ALOX5: variants seen among roughly 807,000 people sequenced by gnomAD.
ALOX5 encodes the protein polyunsaturated fatty acid 5-lipoxygenase.
In ALOX5, 64 loss-of-function variants were observed where a neutral mutation model predicts 87.9. That is an observed-to-expected ratio of 0.73 (90% confidence interval 0.60 to 0.90). The LOEUF is 0.90. Ranked by LOEUF, ALOX5 falls within the 40% of genes least tolerant of loss-of-function variation. The probability of loss-of-function intolerance (pLI) is 0.00; values close to 1 mark genes in which losing one functional copy is unlikely to be tolerated. For missense variants in ALOX5, 822 were observed against 907.5 expected, an observed-to-expected ratio of 0.91 and a Z score of 1.21; for synonymous variants, 388 against 355.1, an observed-to-expected ratio of 1.09 and a Z score of -1.04.
intron 13 of ALOX5, among the ~76,000 whole-genome samples, chr10:45,445,122 G>A (rs1842395607): frequency 6.6e-6 from 1 of 152,268 alleles, no homozygotes; most frequent in Admixed American, 6.5e-5. Context: ...GGGCTGGAGA[G>A]GCCAGTGCTG....
chr10:45,410,793 T>C (rs1210355491), intron 3 of ALOX5, among the ~76,000 whole-genome samples: 3 of 152,194 alleles, frequency 2.0e-5, no homozygotes. Flanking sequence ...AGGATTTCAT[T>C]TTGTTTTTGT....
At chr10:45,390,339 A>C (rs890256622) in intron 2 of ALOX5, among the ~76,000 whole-genome samples, 1 of 152,244 alleles carries the variant, frequency 6.6e-6, no homozygotes, top group Non-Finnish European at 1.5e-5. Context: ...CAGCAAGCGG[A>C]GCTAATAGAC....
intron 11 of ALOX5, 42 bp from the exon 12 acceptor site, chr10:45,443,686 C>T (rs41334844): frequency 1.9e-6 from 3 of 1,598,166 alleles, no homozygotes; most frequent in East Asian, 4.6e-5. Context: ...GCCCTGGGGT[C>T]CTCAGGGACT....
Position 45,425,094 on chromosome 10 carries a change from A to G in ALOX5, c.796A>G (p.Ser266Gly). 1 of 1,614,000 alleles carries G rather than the reference A, an allele frequency of 6.2e-7. No homozygotes were observed. Among genetic ancestry groups the G allele is most frequent in the Non-Finnish European group, 8.5e-7 (1 of 1,180,026 alleles). Residue 266 changes from serine to glycine, a missense_variant, in exon 6 of 14, where the codon AGC becomes GGC. Physicochemically the swap from Ser to Gly is moderately conservative, Grantham distance 56 (BLOSUM62 0). Transcript: ENST00000374391. The surrounding 1 kb of genome is among the most constrained non-coding windows in gnomAD (Gnocchi z 4.4). ...LPVTTEMVEC[S>G]LERQLSLEQE... ...GGTGACCACGGAGATGGTAGAGTGC[A>G]GCCTGGAGCGGCAGCTCAGCTTGGA...
At chr10:45,442,645 A>C in intron 9 of ALOX5, 4 of 183,944 alleles carry the variant, frequency 2.2e-5, no homozygotes, top group Non-Finnish European at 4.4e-5. Flanking sequence ...GGGTCCTGGA[A>C]ACTGAGGGTC....
At position 45,443,191 on chromosome 10, in the gene ALOX5, C is replaced by T. The variant is rs747354199; in HGVS notation, c.1426C>T (p.Leu476Phe). 9 of 1,613,612 alleles carry T rather than the reference C, an allele frequency of 5.6e-6. No homozygotes were observed. The Admixed American group carries it at 1.2e-4, about 21-fold the overall frequency. ...CTACTACTTCTACCGGGACGACGGG[C>T]TCCTGGTGTGGGAAGCCATCAGGAC... ...IPYYFYRDDG[L>F]LVWEAIRTFT... Residue 476 changes from leucine (L) to phenylalanine (F), a missense_variant, in exon 10 of 14, where the codon CTC (leucine) becomes TTC (phenylalanine). Physicochemically the swap from Leu to Phe is conservative, Grantham distance 22. Transcript: ENST00000374391.
chr10:45,441,634 T>G, intron 9 of ALOX5: 1 of 523,064 alleles, frequency 1.9e-6, no homozygotes, highest in South Asian at 3.0e-5. Flanking sequence ...CCACCAGGTC[T>G]TCCTTCTCAC....
intron 2 of ALOX5, among the ~76,000 whole-genome samples, chr10:45,392,900 C>A (rs1237680666): frequency 6.6e-6 from 1 of 151,972 alleles, no homozygotes; most frequent in Non-Finnish European, 1.5e-5. Context: ...AAGACTAAAC[C>A]AGGAAGAAGT....
intron 1 of ALOX5, among the ~76,000 whole-genome samples, chr10:45,379,307 C>T (rs149646626): frequency 0.016 from 2,461 of 152,242 alleles, 34 homozygotes; most frequent in Non-Finnish European, 0.024. Flanking sequence ...CCCTCAGAGC[C>T]ATAGGAAAGC....
intron 10 of ALOX5, 58 bp downstream of exon 10, chr10:45,443,274 C>A: frequency 6.3e-7 from 1 of 1,589,304 alleles, no homozygotes; most frequent in South Asian, 1.2e-5. Context: ...GCCTGACTAC[C>A]TGGGGCGGGC....
At chr10:45,395,369 C>T (rs1193609717) in intron 2 of ALOX5, among the ~76,000 whole-genome samples, 3 of 152,042 alleles carry the variant, frequency 2.0e-5, no homozygotes, top group Non-Finnish European at 2.9e-5. Context: ...AAAAAACAAA[C>T]ACTACATGTT....
At position 45,428,728 on chromosome 10, in the gene ALOX5, G is replaced by A. The variant is rs759600909; in HGVS notation, c.945G>A (p.Lys315=). 1 of 1,614,042 alleles carries A rather than the reference G, an allele frequency of 6.2e-7. No homozygotes were observed. Residue 315 remains lysine (K), a synonymous_variant, in exon 7 of 14, where the codon AAG becomes AAA. Transcript: ENST00000374391. ...FLAAPICLLY[K]NLANKIVPIA... is the part of the protein sequence containing the mutation. ...CCGCTCCCATCTGCTTGCTGTATAA[G>A]AACCTGGCCAACAAGATTGTCCCCA...
In ALOX5 at chr10:45,443,812, C is replaced by T. The variant is rs1323694156; in HGVS notation, c.1658C>T (p.Ala553Val). 1 of 1,607,436 alleles carries T rather than the reference C, an allele frequency of 6.2e-7. No homozygotes were observed. Among genetic ancestry groups the T allele is most frequent in the Non-Finnish European group, 8.5e-7 (1 of 1,177,450 alleles). ...VIFTASAQHA[A>V]VNFGQYDWCS... Reference sequence around the variant, plus strand: ...TTCACCGCCTCCGCCCAGCACGCCGCGGTCAACTTCGGCCAGGTAGGCAGG... The same window carrying T: ...TTCACCGCCTCCGCCCAGCACGCCGTGGTCAACTTCGGCCAGGTAGGCAGG... The change falls in exon 12 of 14, where the codon GCG becomes GTG. Residue 553 changes from alanine (A) to valine (V), a missense_variant. Physicochemically the swap from Ala to Val is moderately conservative, Grantham distance 64. Transcript: ENST00000374391.
At chr10:45,399,040 A>T (rs1237219982) in intron 3 of ALOX5, among the ~76,000 whole-genome samples, 3 of 152,242 alleles carry the variant, frequency 2.0e-5, no homozygotes, top group Non-Finnish European at 4.4e-5. Flanking sequence ...GTAACTATCA[A>T]AAAGTGTACA....
At chr10:45,424,195 T>C in intron 5 of ALOX5, 48 bp downstream of exon 5, 1 of 1,458,626 alleles carries the variant, frequency 6.9e-7, no homozygotes, top group South Asian at 1.1e-5. Context: ...CAGGGGATGC[T>C]GCTCTCCTGT....
At chr10:45,385,896 ACT>A (rs1255246044) in intron 2 of ALOX5, among the ~76,000 whole-genome samples, 1 of 152,108 alleles carries the variant, frequency 6.6e-6, no homozygotes, top group Non-Finnish European at 1.5e-5. Flanking sequence ...TCATCTGAGA[ACT>A]AACTGCGTCC....
At chr10:45,397,978 T>C (rs1005202445) in intron 3 of ALOX5, among the ~76,000 whole-genome samples, 1 of 152,172 alleles carries the variant, frequency 6.6e-6, no homozygotes, top group African/African-American at 2.4e-5. Flanking sequence ...TTTGCAGAAA[T>C]TGACAAGCTG....
intron 2 of ALOX5, among the ~76,000 whole-genome samples, chr10:45,389,916 A>G (rs1840151051): frequency 6.6e-6 from 1 of 152,256 alleles, no homozygotes; most frequent in South Asian, 2.1e-4. Context: ...ATAAAGAGTC[A>G]AGACCCATCA....
rs147824078 is a variant in ALOX5 at position 45,404,885 on chromosome 10, A to T, written c.432-7306A>T. On this transcript the variant is annotated intron_variant, in intron 3 of 13. Coordinates refer to ENST00000374391, the MANE Select transcript of ALOX5 (RefSeq NM_000698.5). ...AAGGCATTCTGCCAGTAGACACCCCAGTAACTGTTTCTGAGATTCACTGTT... is the reference window on the plus strand; with the variant it reads ...AAGGCATTCTGCCAGTAGACACCCCTGTAACTGTTTCTGAGATTCACTGTT... Among the ~76,000 whole-genome samples, 509 of 152,360 alleles carry T rather than the reference A, an allele frequency of 3.3e-3. 2 individuals are homozygous for T. Among genetic ancestry groups the T allele is most frequent in the African/African-American group, 0.012 (481 of 41,578 alleles).
Sources: gnomAD v4.1 joint callset for allele counts (sites outside exome capture counted in the v4.1 genomes callset) on GRCh38, gnomAD v4.1.1 for gene constraint, Gnocchi (gnomAD v3.1) non-coding constraint, MANE v1.5 for transcripts, NCBI Gene and HGNC (gene_info 2026-07-23, HGNC 2026-07-21) for gene names.